Variants in NREP observed in about 807,000 individuals in gnomAD.
The protein encoded by NREP is neuronal regeneration-related protein.
Under a neutral mutation model 8.6 loss-of-function variants are expected in NREP, and 5 were observed. The ratio of observed to expected loss-of-function variants is 0.58; its 90% CI spans 0.30 to 1.22. NREP has a LOEUF of 1.22. Among genes scored for constraint, NREP ranks in the 50% most tolerant of loss-of-function variants. The probability of loss-of-function intolerance (pLI) is 0.07; values close to 1 mark genes in which losing one functional copy is unlikely to be tolerated. For synonymous variants in NREP, 27 were observed against 28.0 expected (o/e 0.96, Z 0.11); for missense variants, 86 against 82.5 (o/e 1.04, Z -0.17).
chr5:111,765,609 G>A (rs144364950), intron 2 of NREP, among the ~76,000 whole-genome samples: 8 of 152,356 alleles, frequency 5.3e-5, no homozygotes, highest in Non-Finnish European at 1.0e-4. Context: ...CCGCGGAGCT[G>A]GGATGTGAAC....
intron 2 of NREP, among the ~76,000 whole-genome samples, chr5:111,737,168 T>G (rs1749200981): frequency 6.6e-6 from 1 of 152,160 alleles, no homozygotes; most frequent in African/African-American, 2.4e-5. Flanking sequence ...CCATCTGCCT[T>G]GTTTGGGACA....
At chr5:111,762,198 G>C (rs910284111), upstream of NREP, among the ~76,000 whole-genome samples, 9 of 152,142 alleles carry the variant, frequency 5.9e-5, no homozygotes, top group African/African-American at 2.2e-4. Context: ...CTGGAGAAAA[G>C]AGTCTAAGAT....
intron 2 of NREP, among the ~76,000 whole-genome samples, chr5:111,920,583 G>A (rs1317181889): frequency 6.6e-6 from 1 of 152,148 alleles, no homozygotes; most frequent in Non-Finnish European, 1.5e-5. Context: ...CTGAAGCAGT[G>A]AGGGGTCCCA....
chr5:111,905,552 A>ATTGAT (rs1228813713), intron 2 of NREP, among the ~76,000 whole-genome samples: 1 of 152,160 alleles, frequency 6.6e-6, no homozygotes, highest in Non-Finnish European at 1.5e-5. Flanking sequence ...AATTCCAAAT[A>ATTGAT]TACAGATCAT....
intron 2 of NREP, among the ~76,000 whole-genome samples, chr5:111,786,119 A>T (rs1751603412): frequency 6.6e-6 from 1 of 152,206 alleles, no homozygotes; most frequent in African/African-American, 2.4e-5. Context: ...GACAGTTCTC[A>T]AAGTAGCTCA....
chr5:111,752,870 C>A (rs1481112985), intron 2 of NREP, among the ~76,000 whole-genome samples: 1 of 152,092 alleles, frequency 6.6e-6, no homozygotes, highest in South Asian at 2.1e-4. Context: ...CTTATTTTTT[C>A]AAACTATTCA....
chr5:111,832,726 G>T (rs1018020635), intron 2 of NREP, among the ~76,000 whole-genome samples: 2 of 152,172 alleles, frequency 1.3e-5, no homozygotes, highest in Non-Finnish European at 2.9e-5. Context: ...ACAGGGGAAG[G>T]TCTCAGCTGC....
chr5:111,883,721 CTACTGGG>C (rs1754151191), intron 2 of NREP, among the ~76,000 whole-genome samples: 1 of 152,154 alleles, frequency 6.6e-6, no homozygotes, highest in Admixed American at 6.5e-5. Flanking sequence ...TCCTGAATGA[CTACTGGG>C]TACATAAAAA....
At chr5:111,765,830 A>C (rs1751069065) in intron 2 of NREP, among the ~76,000 whole-genome samples, 1 of 151,906 alleles carries the variant, frequency 6.6e-6, no homozygotes, top group South Asian at 2.1e-4. Context: ...TCATTTTACT[A>C]TCCCATAAAT....
At chr5:111,976,795 T>C in exon 1 of NREP, 9 of 1,506,752 alleles carry the variant, frequency 6.0e-6, no homozygotes, top group Non-Finnish European at 8.1e-6. Flanking sequence ...CAAAGAAGCT[T>C]CTTGCCGGGA....
chr5:111,976,671 C>A (rs1365303130), intron 1 of NREP: 2 of 1,505,086 alleles, frequency 1.3e-6, no homozygotes, highest in African/African-American at 1.4e-5. Context: ...TTAAAAATGT[C>A]CCCTCATATG....
At chr5:111,926,430 G>T (rs1409227845) in intron 2 of NREP, among the ~76,000 whole-genome samples, 1 of 152,102 alleles carries the variant, frequency 6.6e-6, no homozygotes, top group African/African-American at 2.4e-5. Context: ...GCTTGCAGAG[G>T]TCTGTGTTGT....
At chr5:111,914,893 A>G (rs1208144118) in intron 2 of NREP, among the ~76,000 whole-genome samples, 1 of 152,134 alleles carries the variant, frequency 6.6e-6, no homozygotes, top group African/African-American at 2.4e-5. Context: ...GAGTGCTTTC[A>G]GGAAGAGATT....
At chr5:111,783,534 C>T (rs546130731) in intron 2 of NREP, among the ~76,000 whole-genome samples, 1 of 152,328 alleles carries the variant, frequency 6.6e-6, no homozygotes, top group South Asian at 2.1e-4. Flanking sequence ...AGGAAACAAT[C>T]AGCCTTCCAA....
chr5:111,825,214 A>AAAAT (rs1215983588), intron 2 of NREP, among the ~76,000 whole-genome samples: 1 of 152,082 alleles, frequency 6.6e-6, no homozygotes, highest in African/African-American at 2.4e-5. Context: ...TAAATATAGA[A>AAAAT]AAATAAATAA....
At chr5:111,874,971 A>G (rs958836231) in intron 2 of NREP, among the ~76,000 whole-genome samples, 1 of 152,206 alleles carries the variant, frequency 6.6e-6, no homozygotes, top group African/African-American at 2.4e-5. Context: ...AGATGCAAAT[A>G]CCACAGATTA....
chr5:111,843,047 T>A (rs903784175), intron 2 of NREP, among the ~76,000 whole-genome samples: 1 of 152,088 alleles, frequency 6.6e-6, no homozygotes, highest in African/African-American at 2.4e-5. Context: ...TTAATCTATT[T>A]TTGATTATTT....
chr5:111,910,594 G>A (rs1754885198), intron 2 of NREP, among the ~76,000 whole-genome samples: 1 of 152,146 alleles, frequency 6.6e-6, no homozygotes, highest in Non-Finnish European at 1.5e-5. Context: ...AGGTGCTAAG[G>A]ATAAAAAATG....
intron 2 of NREP, among the ~76,000 whole-genome samples, chr5:111,737,719 A>C (rs2112800542): frequency 6.6e-6 from 1 of 150,476 alleles, no homozygotes; most frequent in Admixed American, 6.6e-5. Context: ...ATTTGCTAAA[A>C]AAAAAAAAAA....
Sources: gnomAD v4.1 joint callset for allele counts (sites outside exome capture counted in the v4.1 genomes callset) on GRCh38, gnomAD v4.1.1 for gene constraint, MANE v1.5 for transcripts, NCBI Gene and HGNC (gene_info 2026-07-23, HGNC 2026-07-21) for gene names.